The following TOP1 variants were observed in gnomAD, a reference collection of about 807,000 sequenced individuals.
TOP1 encodes the protein DNA topoisomerase I.
Under a neutral mutation model 111.1 loss-of-function variants are expected in TOP1, and 10 were observed. The ratio of observed to expected loss-of-function variants is 0.09; its 90% CI spans 0.06 to 0.15. The LOEUF is 0.15. Ranked by LOEUF, TOP1 falls within the 10% of genes least tolerant of loss-of-function variation. The pLI is 1.00. For missense variants in TOP1, 474 were observed against 926.7 expected (o/e 0.51, Z 6.34); for synonymous variants, 271 against 302.9 (o/e 0.89, Z 1.10).
In TOP1 at chr20:41,080,294, C is replaced by T; in HGVS notation, c.431+114C>T. The T allele has an allele frequency of 3.2e-6, 2 of 626,582 alleles. No homozygotes were observed. The highest frequency in any genetic ancestry group is 5.4e-6 in the Non-Finnish European group (2 of 369,720). The allele number at this position is 626,582 out of a possible 1,614,324, so 38.8% of individuals were successfully genotyped here. A position where few individuals can be genotyped will look rare whatever the true frequency, so the allele number is the denominator to read the frequency against. ...GAAACTGCATTAATTGGCTTTTACTCATTTGGAATTTGTGATTAATGGACT... is the reference window on the plus strand; with the variant it reads ...GAAACTGCATTAATTGGCTTTTACTTATTTGGAATTTGTGATTAATGGACT... On this transcript the variant is annotated intron_variant, in intron 6 of 20. Transcript: ENST00000361337. This position sits in a 1 kb window ranked among gnomAD's most constrained non-coding sequence, Gnocchi z 5.0.
intron 4 of TOP1, 46 bp from the exon 5 acceptor site, chr20:41,077,536 A>T: frequency 2.0e-6 from 3 of 1,517,398 alleles, no homozygotes; most frequent in East Asian, 2.3e-5. Flanking sequence ...GGTTTCTTCA[A>T]ATTTAGTCCT....
intron 13 of TOP1, among the ~76,000 whole-genome samples, chr20:41,103,240 A>C (rs976769394): frequency 2.0e-5 from 3 of 152,232 alleles, no homozygotes; most frequent in African/African-American, 7.2e-5. Flanking sequence ...TACATATACT[A>C]ATGCCACCAT....
Position 41,118,319 on chromosome 20 carries a change from A to G in TOP1, c.1950+23A>G. ...AAGGTATCTTGGATAAAATGAAGGG[A>G]ACTGTGTCTGCTGTGGGCAGATTAT... On this transcript the variant is annotated intron_variant, in intron 18 of 20. Coordinates refer to ENST00000361337, the MANE Select transcript of TOP1 (RefSeq NM_003286.4). The surrounding 1 kb of genome is among the most constrained non-coding windows in gnomAD (Gnocchi z 4.6). 6.2e-7 allele frequency: 1 copy of G among 1,613,312 alleles called. No individual in the cohort carries two copies. Among genetic ancestry groups the G allele is most frequent in the Non-Finnish European group, 8.5e-7 (1 of 1,179,418 alleles).
chr20:41,119,961 T>C (rs2034395471), intron 18 of TOP1, among the ~76,000 whole-genome samples: 3 of 152,234 alleles, frequency 2.0e-5, no homozygotes, highest in African/African-American at 7.2e-5. Flanking sequence ...CCCAGGAGCA[T>C]GAGGAGGTCT....
In TOP1 at chr20:41,080,273, C is replaced by T. The variant is rs553328560; in HGVS notation, c.431+93C>T. 5.5e-5 allele frequency: 40 copies of T among 722,872 alleles called. No homozygotes were observed. The allele number at this position is 722,872 out of a possible 1,614,324, so 44.8% of individuals were successfully genotyped here. A position where few individuals can be genotyped will look rare whatever the true frequency, so the allele number is the denominator to read the frequency against. On this transcript the variant is annotated intron_variant, in intron 6 of 20. Transcript: ENST00000361337. This position sits in a 1 kb window ranked among gnomAD's most constrained non-coding sequence, Gnocchi z 5.0. ...TGTTTCTTTATAATACATATAGAAA[C>T]TGCATTAATTGGCTTTTACTCATTT...
At position 41,028,944 on chromosome 20, in the gene TOP1, C is replaced by A; in HGVS notation, c.-124C>A. 2.6e-6 allele frequency: 2 copies of A among 780,624 alleles called. No homozygotes were observed. Among genetic ancestry groups the A allele is most frequent in the South Asian group, 1.6e-5 (1 of 62,494 alleles). 48.4% of individuals were successfully genotyped at this position (780,624 alleles called of 1,614,324 possible). On this transcript the variant is annotated 5_prime_UTR_variant, in exon 1 of 21. Transcript: ENST00000361337. ...GTTTCTGGAGTCTCGGGCCCACAGT[C>A]ACCGCCGCTTACCTGCGCCTCCTCG...
At chr20:41,039,505 A>G (rs2033233438) in intron 2 of TOP1, among the ~76,000 whole-genome samples, 1 of 152,090 alleles carries the variant, frequency 6.6e-6, no homozygotes, top group Admixed American at 6.5e-5. Flanking sequence ...GTATACCTAT[A>G]TACCCATTAA....
intron 8 of TOP1, among the ~76,000 whole-genome samples, chr20:41,086,393 G>A (rs1405117548): frequency 6.6e-6 from 1 of 152,198 alleles, no homozygotes; most frequent in Non-Finnish European, 1.5e-5. Flanking sequence ...TAAAGTGATT[G>A]TGTAAATTAG....
intron 13 of TOP1, among the ~76,000 whole-genome samples, chr20:41,103,429 C>T (rs2034095440): frequency 6.6e-6 from 1 of 152,176 alleles, no homozygotes; most frequent in South Asian, 2.1e-4. Flanking sequence ...AGAGACTGAG[C>T]CCTTAAAGGA....
At chr20:41,104,943 T>C (rs2034122291) in intron 13 of TOP1, among the ~76,000 whole-genome samples, 1 of 152,232 alleles carries the variant, frequency 6.6e-6, no homozygotes, top group Admixed American at 6.5e-5. Context: ...AGGGGTTTTA[T>C]TTTTAGTGAA....
chr20:41,085,875 C>T (rs1183262008), intron 8 of TOP1, among the ~76,000 whole-genome samples: 5 of 152,116 alleles, frequency 3.3e-5, no homozygotes, highest in Non-Finnish European at 5.9e-5. Context: ...CTATGTGATT[C>T]GCATGTTGCT....
Position 41,092,648 on chromosome 20 carries a change from A to G in TOP1, c.730+61A>G. 1 of 799,716 alleles carries G rather than the reference A, an allele frequency of 1.3e-6. No individual in the cohort carries two copies. The highest frequency in any genetic ancestry group is 2.6e-5 in the East Asian group (1 of 38,564). 49.5% of individuals were successfully genotyped at this position (799,716 alleles called of 1,614,324 possible). The stretch of plus-strand genomic sequence containing the variant: ...AAAAGAAATCTGCTTCTATTTAGGG[A>G]TAGAAAACAAGGAAGGATCCTATGT... On this transcript the variant is annotated intron_variant, in intron 9 of 20. Transcript: ENST00000361337. The surrounding 1 kb of genome is among the most constrained non-coding windows in gnomAD (Gnocchi z 4.3).
chr20:41,122,039 A>T lies in TOP1; in HGVS notation c.2079A>T (p.Arg693Ser), dbSNP rs1184296058. ...AGTCAAAGAAGAAGGCTGTTCAGAGACTGGAGGAACAGTTGATGAAGCTGG... is the reference window on the plus strand; with the variant it reads ...AGTCAAAGAAGAAGGCTGTTCAGAGTCTGGAGGAACAGTTGATGAAGCTGG... ...VVESKKKAVQ[R>S]LEEQLMKLEV... Residue 693 changes from arginine to serine, a missense_variant, in exon 20 of 21, where the codon AGA (arginine) becomes AGT (serine). Arg to Ser is a moderately radical substitution (Grantham distance 110). Around this residue, in one of 14 missense-constraint regions of TOP1, gnomAD observed 36 missense variants for 42.3 expected, o/e 0.85. Transcript: ENST00000361337. The surrounding 1 kb of genome is among the most constrained non-coding windows in gnomAD (Gnocchi z 5.4). 6.2e-7 allele frequency: 1 copy of T among 1,614,038 alleles called. No homozygotes were observed.
Position 41,114,219 on chromosome 20 carries a change from CT to C in TOP1, c.1638+70del, listed in dbSNP as rs2145966094. On this transcript the variant is annotated intron_variant, in intron 15 of 20. Coordinates refer to ENST00000361337, the MANE Select transcript of TOP1 (RefSeq NM_003286.4). The surrounding 1 kb of genome is among the most constrained non-coding windows in gnomAD (Gnocchi z 4.5). ...TTATTCAACAAGCATGGGTTGACTG[CT>C]TTTTTGTGTGCTTTGCACTTTGCTG... The C allele has an allele frequency of 6.9e-7, 1 of 1,440,648 alleles. No individual in the cohort carries two copies. The highest frequency in any genetic ancestry group is 9.6e-7 in the Non-Finnish European group (1 of 1,045,490). The allele number at this position is 1,440,648 out of a possible 1,614,324, so 89.2% of individuals were successfully genotyped here. A position where few individuals can be genotyped will look rare whatever the true frequency, so the allele number is the denominator to read the frequency against.
Position 41,079,778 on chromosome 20 carries a change from T to C in TOP1, c.336-307T>C, listed in dbSNP as rs1156691026. Among the ~76,000 whole-genome samples the C allele has an allele frequency of 6.6e-6, 1 of 152,214 alleles. No homozygotes were observed. Among genetic ancestry groups the C allele is most frequent in the Non-Finnish European group, 1.5e-5 (1 of 68,042 alleles). ...GTAAGGCAAGAAAACACCTTAGGTT[T>C]ATTTCTGGAGTGGTTCGTGCCATGC... On this transcript the variant is annotated intron_variant, in intron 5 of 20. Transcript: ENST00000361337. This position sits in a 1 kb window ranked among gnomAD's most constrained non-coding sequence, Gnocchi z 4.0.
rs1228848363 is a variant in TOP1, at chr20:41,116,400, T to C, written c.1822+8T>C. The C allele has an allele frequency of 2.5e-6, 4 of 1,611,684 alleles. No individual in the cohort carries two copies. The highest frequency in any genetic ancestry group is 1.1e-5 in the South Asian group (1 of 91,038). On this transcript the variant is annotated splice_region_variant and intron_variant, in intron 17 of 20. Transcript: ENST00000361337. This position sits in a 1 kb window ranked among gnomAD's most constrained non-coding sequence, Gnocchi z 5.6. ...TAAAAGAACTGACAGCCCGTAAGTA[T>C]TGCTTGGCCAGATAGGGCCCACACC...
At chr20:41,051,081 C>T (rs1054890071) in intron 2 of TOP1, among the ~76,000 whole-genome samples, 5 of 152,214 alleles carry the variant, frequency 3.3e-5, no homozygotes, top group South Asian at 2.1e-4. Context: ...TTTCCTTATG[C>T]GCTAGTTGTA....
rs2034059325 is a variant in TOP1 at position 41,101,225 on chromosome 20, T to A, written c.1180T>A (p.Ser394Thr). ...INCSKDAKVP[S>T]PPPGHKWKEV... ...TATTTCCAGAGATGCCAAGGTTCCT[T>A]CTCCTCCTCCAGGACATAAGTGGAA... Residue 394 changes from serine (S) to threonine (T), a missense_variant, in exon 13 of 21, where the codon TCT becomes ACT. By Grantham distance (58) the Ser-to-Thr change is moderately conservative (BLOSUM62 1). Coordinates refer to ENST00000361337, the MANE Select transcript of TOP1 (RefSeq NM_003286.4). This position sits in a 1 kb window ranked among gnomAD's most constrained non-coding sequence, Gnocchi z 4.1. 1 of 1,613,924 alleles carries A rather than the reference T, an allele frequency of 6.2e-7. No homozygotes were observed. The highest frequency in any genetic ancestry group is 1.3e-5 in the African/African-American group (1 of 74,910).
In TOP1 at chr20:41,114,530, T is replaced by G. The variant is rs1486895664; in HGVS notation, c.1638+375T>G. ...ACTGTTCCGCCCTGTGCTACCTTCCTGGTAAGGAGTGGCCTTCTCCTATAG... is the reference window on the plus strand; with the variant it reads ...ACTGTTCCGCCCTGTGCTACCTTCCGGGTAAGGAGTGGCCTTCTCCTATAG... On this transcript the variant is annotated intron_variant, in intron 15 of 20. Coordinates refer to ENST00000361337, the MANE Select transcript of TOP1 (RefSeq NM_003286.4). The surrounding 1 kb of genome is among the most constrained non-coding windows in gnomAD (Gnocchi z 4.5). 6.6e-6 allele frequency among the ~76,000 whole-genome samples: 1 copy of G among 152,250 alleles called. No individual in the cohort carries two copies. Among genetic ancestry groups the G allele is most frequent in the African/African-American group, 2.4e-5 (1 of 41,468 alleles).
Sources: allele counts gnomAD v4.1 joint callset (sites outside exome capture counted in the v4.1 genomes callset), GRCh38; gene constraint gnomAD v4.1.1; regional missense constraint gnomAD v4.1.1; non-coding constraint Gnocchi (gnomAD v3.1); transcripts MANE v1.5; gene names NCBI Gene and HGNC (gene_info 2026-07-23, HGNC 2026-07-21).